The following SPOCK1 variants were observed in gnomAD, a reference collection of about 807,000 sequenced individuals.
SPOCK1 encodes the protein SPARC (osteonectin), cwcv and kazal like domains proteoglycan 1.
SPOCK1 carries 23 observed loss-of-function variants against 55.3 expected under a neutral mutation model. That is an observed-to-expected ratio of 0.42 (90% confidence interval 0.30 to 0.59). SPOCK1 has a LOEUF of 0.59. Ranked by LOEUF, SPOCK1 falls within the 20% of genes least tolerant of loss-of-function variation. SPOCK1 has a pLI of 0.22. For missense variants in SPOCK1, 499 were observed against 552.5 expected (o/e 0.90, Z 0.97); for synonymous variants, 226 against 221.0 (o/e 1.02, Z -0.20).
intron 6 of SPOCK1, among the ~76,000 whole-genome samples, chr5:137,012,594 C>A (rs1020580005): frequency 1.3e-5 from 2 of 152,134 alleles, no homozygotes; most frequent in Admixed American, 1.3e-4. Flanking sequence ...TGCCCCAAGG[C>A]TGTCTGATTC....
intron 2 of SPOCK1, among the ~76,000 whole-genome samples, chr5:137,271,895 C>G (rs1005739539): frequency 3.9e-5 from 6 of 152,146 alleles, no homozygotes; most frequent in African/African-American, 1.4e-4. Flanking sequence ...TGTTTGAACC[C>G]TGCCGTTTCA....
intron 3 of SPOCK1, among the ~76,000 whole-genome samples, chr5:137,248,344 G>T (rs955521061): frequency 6.6e-6 from 1 of 152,060 alleles, no homozygotes; most frequent in African/African-American, 2.4e-5. Context: ...TGTTCAGTTA[G>T]TCAACATTTG....
rs1752536898 is a variant in SPOCK1, at chr5:137,067,742, G to A, written c.562C>T (p.Pro188Ser). Reference protein sequence around the residue: ...GPCPCLPEPEPPKHKAERSAC... With the variant: ...GPCPCLPEPESPKHKAERSAC... ...CTCCTTTCTGCCTTGTGCTTTGGTG[G>A]CTCAGGCTCTGGGAGACAGGGACAG... is the stretch of plus-strand genomic sequence containing the variant. The change falls in exon 6 of 11, where the codon CCA (proline) becomes TCA (serine). Residue 188 changes from proline (P) to serine (S), a missense_variant. Pro to Ser is a moderately conservative substitution (Grantham distance 74, BLOSUM62 -1). Coordinates refer to ENST00000394945, the MANE Select transcript of SPOCK1 (RefSeq NM_004598.4). 2 of 1,614,018 alleles carry A rather than the reference G, an allele frequency of 1.2e-6. No homozygotes were observed. The highest frequency in any genetic ancestry group is 1.7e-6 in the Non-Finnish European group (2 of 1,180,012).
chr5:137,382,872 T>C, intron 2 of SPOCK1, among the ~76,000 whole-genome samples: 1 of 152,338 alleles, frequency 6.6e-6, no homozygotes, highest in South Asian at 2.1e-4. Context: ...AAGCCTGTGA[T>C]GTGACAAGTT....
chr5:137,143,201 T>C (rs1015117309), intron 3 of SPOCK1, among the ~76,000 whole-genome samples: 2 of 113,008 alleles, frequency 1.8e-5, no homozygotes, highest in African/African-American at 6.0e-5. Context: ...GAACTTGAGA[T>C]TTTCACTTGA....
At chr5:137,430,943 G>A (rs1752730902) in intron 2 of SPOCK1, among the ~76,000 whole-genome samples, 1 of 152,166 alleles carries the variant, frequency 6.6e-6, no homozygotes, top group Non-Finnish European at 1.5e-5. Context: ...GTAGAAATCT[G>A]TTCAGAGGCT....
chr5:137,221,770 C>A (rs1755852818), intron 3 of SPOCK1, among the ~76,000 whole-genome samples: 1 of 152,196 alleles, frequency 6.6e-6, no homozygotes, highest in Non-Finnish European at 1.5e-5. Flanking sequence ...GAATGTCAAT[C>A]TTCTCTTCCA....
rs559715652 is a variant in SPOCK1 at position 137,016,905 on chromosome 5, C to G, written c.590-24305G>C. 3.2e-3 allele frequency among the ~76,000 whole-genome samples: 482 copies of G among 152,352 alleles called. 7 individuals are homozygous for G. The highest frequency in any genetic ancestry group is 3.7e-3 in the Non-Finnish European group (249 of 68,026). ...ACCTAGTGGGGAGTAAAGGAGAAAC[C>G]AGGAACAATGGGGCTTTGTTTTGGG... On this transcript the variant is annotated intron_variant, in intron 6 of 10. Transcript: ENST00000394945.
At chr5:137,148,078 A>T (rs1754239504) in intron 3 of SPOCK1, among the ~76,000 whole-genome samples, 1 of 152,110 alleles carries the variant, frequency 6.6e-6, no homozygotes, top group Non-Finnish European at 1.5e-5. Flanking sequence ...CTCACAGACC[A>T]GGGCCCTCAG....
intron 2 of SPOCK1, among the ~76,000 whole-genome samples, chr5:137,338,264 C>T (rs1425497196): frequency 1.3e-5 from 2 of 149,444 alleles, no homozygotes; most frequent in South Asian, 2.1e-4. Flanking sequence ...TGAGAACATG[C>T]AGTGTTTGGT....
chr5:137,119,450 A>G (rs1471499530), intron 4 of SPOCK1, among the ~76,000 whole-genome samples: 1 of 152,234 alleles, frequency 6.6e-6, no homozygotes, highest in African/African-American at 2.4e-5. Flanking sequence ...ACTAAGTCAT[A>G]AAATTACACA....
intron 2 of SPOCK1, among the ~76,000 whole-genome samples, chr5:137,398,913 C>A (rs1369220240): frequency 1.3e-5 from 2 of 152,226 alleles, no homozygotes; most frequent in Middle Eastern, 3.4e-3. Context: ...CAGCATGCAC[C>A]ACGCCAATTG....
chr5:137,432,424 TAA>T (rs11367816), intron 2 of SPOCK1, among the ~76,000 whole-genome samples: 2 of 152,154 alleles, frequency 1.3e-5, no homozygotes, highest in African/African-American at 4.8e-5. Flanking sequence ...TATTCAGCCA[TAA>T]AAAAAGGAAA....
intron 2 of SPOCK1, among the ~76,000 whole-genome samples, chr5:137,356,874 G>GAGAGAGAGATAGTC (rs1561513946): frequency 2.9e-5 from 2 of 68,834 alleles, no homozygotes; most frequent in African/African-American, 1.3e-4. Flanking sequence ...GAGAGAGAGA[G>GAGAGAGAGATAGTC]AGTATGCAGA....
At chr5:137,286,784 T>A (rs927661073) in intron 2 of SPOCK1, among the ~76,000 whole-genome samples, 3 of 152,156 alleles carry the variant, frequency 2.0e-5, no homozygotes, top group Non-Finnish European at 4.4e-5. Context: ...AACCTTAGGA[T>A]AGAATTTTGC....
chr5:137,061,312 T>A (rs900715151), intron 6 of SPOCK1, among the ~76,000 whole-genome samples: 3 of 152,346 alleles, frequency 2.0e-5, no homozygotes, highest in Non-Finnish European at 4.4e-5. Flanking sequence ...CACCGCCTCC[T>A]GTTCCCTTTT....
At position 136,988,555 on chromosome 5, in the gene SPOCK1, G is replaced by A. The variant is rs369284996; in HGVS notation, c.795C>T (p.Asp265=). 1.1e-5 allele frequency: 18 copies of A among 1,614,024 alleles called. No homozygotes were observed. Among genetic ancestry groups the A allele is most frequent in the African/African-American group, 2.7e-5 (2 of 74,908 alleles). The change falls in exon 8 of 11, where the codon GAC becomes GAT. Residue 265 remains aspartate, a synonymous_variant. Coordinates refer to ENST00000394945, the MANE Select transcript of SPOCK1 (RefSeq NM_004598.4). ...GGTAGATGGCATTGATCTCTGAAGGGTCAAGCAGGAGGTCATAGTTCATGT... is the reference window on the plus strand; with the variant it reads ...GGTAGATGGCATTGATCTCTGAAGGATCAAGCAGGAGGTCATAGTTCATGT... The part of the protein sequence containing the change: ...KLDMNYDLLL[D]PSEINAIYLD...
chr5:137,484,350 T>A (rs1754010599), intron 2 of SPOCK1, among the ~76,000 whole-genome samples: 1 of 152,240 alleles, frequency 6.6e-6, no homozygotes, highest in Non-Finnish European at 1.5e-5. Context: ...GGGCAGCAGC[T>A]TCTGCTCCCC....
chr5:137,170,397 A>ATTG, intron 3 of SPOCK1, among the ~76,000 whole-genome samples: 2 of 152,320 alleles, frequency 1.3e-5, no homozygotes, highest in South Asian at 4.1e-4. Context: ...AACCAAATGA[A>ATTG]GCAGGTACTG....
Sources: gnomAD v4.1 joint callset for allele counts (sites outside exome capture counted in the v4.1 genomes callset) on GRCh38, gnomAD v4.1.1 for gene constraint, MANE v1.5 for transcripts, NCBI Gene and HGNC (gene_info 2026-07-23, HGNC 2026-07-21) for gene names.